Variants in RPSA2 observed in about 807,000 individuals in gnomAD.
RPSA2 encodes ribosomal protein SA 2, also known as small ribosomal subunit protein uS2B.
At chr19:23,854,880 G>T in the RPSA2 span, among the ~76,000 whole-genome samples, 2 of 152,240 alleles carry the variant, frequency 1.3e-5, no homozygotes, top group South Asian at 4.1e-4. Context: ...TTGTGATCAG[G>T]TAAATTTTGT....
At chr19:23,764,875 G>T in the RPSA2 span, among the ~76,000 whole-genome samples, 1 of 151,926 alleles carries the variant, frequency 6.6e-6, no homozygotes, top group Non-Finnish European at 1.5e-5. Context: ...TACGTCTTTG[G>T]GTTGAAGTTT....
the RPSA2 span, chr19:23,832,190 A>G: frequency 4.7e-6 from 2 of 429,392 alleles, no homozygotes; most frequent in Middle Eastern, 3.6e-4. Flanking sequence ...CTAACTAGAT[A>G]TAAGAGGATG....
At chr19:23,851,939 C>T in the RPSA2 span, among the ~76,000 whole-genome samples, 1 of 152,184 alleles carries the variant, frequency 6.6e-6, no homozygotes, top group Non-Finnish European at 1.5e-5. Flanking sequence ...AAATGAACCA[C>T]AATTAAATTT....
the RPSA2 span, among the ~76,000 whole-genome samples, chr19:23,867,379 G>A: frequency 2.3e-3 from 344 of 152,298 alleles, 3 homozygotes; most frequent in African/African-American, 7.4e-3. Flanking sequence ...TTATGGGGTC[G>A]AGACTTACTT....
the RPSA2 span, among the ~76,000 whole-genome samples, chr19:23,781,539 A>G: frequency 6.6e-6 from 1 of 151,390 alleles, no homozygotes; most frequent in Admixed American, 6.6e-5. Context: ...GGGTTTCACC[A>G]TGTTGGTCAG....
chr19:23,788,707 T>C, the RPSA2 span, among the ~76,000 whole-genome samples: 1 of 152,182 alleles, frequency 6.6e-6, no homozygotes, highest in Admixed American at 6.5e-5. Context: ...GTATTTTGAC[T>C]GGACCTTGCA....
At chr19:23,858,553 A>G in the RPSA2 span, among the ~76,000 whole-genome samples, 1 of 152,222 alleles carries the variant, frequency 6.6e-6, no homozygotes, top group Non-Finnish European at 1.5e-5. Flanking sequence ...TCCTTGGTAA[A>G]GTTTCCCTTC....
the RPSA2 span, chr19:23,827,013 A>G: frequency 1.5e-6 from 1 of 650,302 alleles, no homozygotes; most frequent in Non-Finnish European, 2.7e-6. Flanking sequence ...TTCAAATTAT[A>G]TCTACTGAAT....
At chr19:23,771,104 G>A in the RPSA2 span, among the ~76,000 whole-genome samples, 1 of 152,146 alleles carries the variant, frequency 6.6e-6, no homozygotes, top group South Asian at 2.1e-4. Flanking sequence ...TTGTCAAGAG[G>A]TACAGAGAAT....
the RPSA2 span, among the ~76,000 whole-genome samples, chr19:23,773,081 ATGTGTGTG>A: frequency 0.98 from 147,221 of 150,662 alleles, 72,014 homozygotes; most frequent in Middle Eastern, 1. Context: ...TCCTGTGTGT[ATGTGTGTG>A]TATATATATA....
At chr19:23,762,424 C>G in the RPSA2 span, among the ~76,000 whole-genome samples, 3 of 151,546 alleles carry the variant, frequency 2.0e-5, no homozygotes, top group African/African-American at 7.3e-5. Context: ...GCCCGTAATC[C>G]CAGCACTTTG....
the RPSA2 span, among the ~76,000 whole-genome samples, chr19:23,822,691 C>T: frequency 6.6e-6 from 1 of 152,168 alleles, no homozygotes; most frequent in Non-Finnish European, 1.5e-5. Flanking sequence ...CCTTCTTCAC[C>T]TCCTGGGACA....
At chr19:23,788,202 TTGCC>T in the RPSA2 span, among the ~76,000 whole-genome samples, 6 of 151,932 alleles carry the variant, frequency 3.9e-5, no homozygotes, top group Admixed American at 2.0e-4. Context: ...TGCCAAGGCC[TTGCC>T]TACTGTAGTG....
chr19:23,851,829 GT>G, the RPSA2 span, among the ~76,000 whole-genome samples: 1 of 152,106 alleles, frequency 6.6e-6, no homozygotes, highest in Non-Finnish European at 1.5e-5. Context: ...CAAACAATTT[GT>G]TTTTTGGAAA....
At chr19:23,862,754 A>T in the RPSA2 span, among the ~76,000 whole-genome samples, 1 of 111,250 alleles carries the variant, frequency 9.0e-6, no homozygotes, top group South Asian at 3.4e-4. Flanking sequence ...AACTTAAAGT[A>T]TAAGAATAAA....
At chr19:23,797,211 G>A in the RPSA2 span, among the ~76,000 whole-genome samples, 148,901 of 152,238 alleles carry the variant, frequency 0.98, 72,915 homozygotes, top group Middle Eastern at 1. Flanking sequence ...CCAGGTTCAA[G>A]CGACTCTCTG....
chr19:23,852,265 A>G, the RPSA2 span, among the ~76,000 whole-genome samples: 2 of 152,172 alleles, frequency 1.3e-5, no homozygotes, highest in African/African-American at 4.8e-5. Flanking sequence ...TGCCTAAAGT[A>G]GGTCTTAAAT....
At chr19:23,829,293 CGCTT>C in the RPSA2 span, among the ~76,000 whole-genome samples, 7 of 151,742 alleles carry the variant, frequency 4.6e-5, no homozygotes, top group African/African-American at 7.3e-5. Flanking sequence ...GATATGCTTT[CGCTT>C]ATTTATTTAT....
the RPSA2 span, among the ~76,000 whole-genome samples, chr19:23,816,006 C>T: frequency 1.9e-3 from 237 of 122,550 alleles, 2 homozygotes; most frequent in Middle Eastern, 0.02. Context: ...TTTTTTTTTT[C>T]GCTCTGTGGT....
Sources: allele counts gnomAD v4.1 joint callset (sites outside exome capture counted in the v4.1 genomes callset), GRCh38; gene constraint gnomAD v4.1.1; transcripts MANE v1.5; gene names NCBI Gene and HGNC (gene_info 2026-07-23, HGNC 2026-07-21).